ROBO2: variants seen among roughly 807,000 people sequenced by gnomAD.
ROBO2 encodes roundabout homolog 2.
ROBO2 carries 53 observed loss-of-function variants against 160.8 expected under a neutral mutation model. The observed-to-expected ratio is 0.33, with a 90% CI of 0.26 to 0.41. The LOEUF (loss-of-function observed/expected upper bound fraction) is 0.41, where lower values mean the gene tolerates loss of function less well. Among genes scored for constraint, ROBO2 ranks in the 10% least tolerant of loss-of-function variants. ROBO2 has a pLI of 1.00. For missense variants in ROBO2, 1,577 were observed against 1,722.4 expected, an observed-to-expected ratio of 0.92 and a Z score of 1.49; for synonymous variants, 664 against 611.7, an observed-to-expected ratio of 1.09 and a Z score of -1.26.
chr3:76,873,880 G>A (rs74635836), intron 2 of ROBO2, among the ~76,000 whole-genome samples: 1,705 of 152,212 alleles, frequency 0.011, 15 homozygotes, highest in African/African-American at 0.037. Context: ...TTGTGTATCT[G>A]AAGTTTACCA....
At chr3:76,024,619 A>G (rs2066678320) in intron 2 of ROBO2, among the ~76,000 whole-genome samples, 1 of 151,764 alleles carries the variant, frequency 6.6e-6, no homozygotes, top group East Asian at 1.9e-4. Flanking sequence ...AAACACAACA[A>G]ATAAAAATTA....
chr3:76,711,418 G>A (rs896316271), intron 2 of ROBO2, among the ~76,000 whole-genome samples: 2 of 152,134 alleles, frequency 1.3e-5, no homozygotes, highest in African/African-American at 4.8e-5. Flanking sequence ...GTGAGATTTG[G>A]GTGGGTGCAC....
intron 2 of ROBO2, among the ~76,000 whole-genome samples, chr3:77,327,655 T>C (rs1384651721): frequency 1.4e-4 from 22 of 152,140 alleles, no homozygotes; most frequent in Admixed American, 1.4e-3. Context: ...CAACTGAAGA[T>C]AGAAGTGGTA....
intron 2 of ROBO2, among the ~76,000 whole-genome samples, chr3:76,450,440 T>G (rs893330119): frequency 2.0e-5 from 3 of 152,170 alleles, no homozygotes; most frequent in African/African-American, 2.4e-5. Flanking sequence ...TAAAGTAAAA[T>G]ATTTTTAAAT....
At chr3:77,532,484 T>C (rs1014330576) in intron 6 of ROBO2, among the ~76,000 whole-genome samples, 4 of 152,074 alleles carry the variant, frequency 2.6e-5, no homozygotes, top group Admixed American at 2.6e-4. Flanking sequence ...TTCAATAACC[T>C]TTTCTTCTGT....
chr3:76,576,923 T>C (rs573571904), intron 2 of ROBO2, among the ~76,000 whole-genome samples: 1 of 152,018 alleles, frequency 6.6e-6, no homozygotes, highest in South Asian at 2.1e-4. Context: ...AGGGACACTA[T>C]ACCTTGTAAA....
At chr3:76,185,794 CCAT>C (rs1428231250) in intron 2 of ROBO2, among the ~76,000 whole-genome samples, 2 of 151,866 alleles carry the variant, frequency 1.3e-5, no homozygotes, top group Non-Finnish European at 2.9e-5. Flanking sequence ...CAATAAGATA[CCAT>C]CAGAACACCA....
intron 2 of ROBO2, among the ~76,000 whole-genome samples, chr3:77,306,660 C>T (rs938961118): frequency 6.6e-6 from 1 of 152,044 alleles, no homozygotes; most frequent in Non-Finnish European, 1.5e-5. Context: ...GAGACATATA[C>T]CACATAGCAT....
intron 2 of ROBO2, among the ~76,000 whole-genome samples, chr3:76,236,920 AT>A (rs1370045369): frequency 3.3e-5 from 5 of 151,870 alleles, no homozygotes; most frequent in South Asian, 4.1e-4. Flanking sequence ...ATAATGTTGC[AT>A]TTTTTTCCTT....
intron 2 of ROBO2, among the ~76,000 whole-genome samples, chr3:76,252,533 A>G (rs954046570): frequency 6.6e-6 from 1 of 151,906 alleles, no homozygotes; most frequent in Non-Finnish European, 1.5e-5. Context: ...AACAATTCCA[A>G]TATGGTATGT....
intron 17 of ROBO2, among the ~76,000 whole-genome samples, chr3:77,594,049 C>G (rs1196776175): frequency 6.6e-6 from 1 of 152,060 alleles, no homozygotes; most frequent in Non-Finnish European, 1.5e-5. Context: ...GTTTATTGCA[C>G]TTTTGCAAGC....
intron 2 of ROBO2, among the ~76,000 whole-genome samples, chr3:76,582,352 A>C (rs1263682779): frequency 1.3e-5 from 2 of 152,182 alleles, no homozygotes; most frequent in Non-Finnish European, 2.9e-5. Context: ...ATGTATATTC[A>C]GGAATAGAAA....
At chr3:77,354,925 A>G (rs2068848695) in intron 2 of ROBO2, among the ~76,000 whole-genome samples, 1 of 152,224 alleles carries the variant, frequency 6.6e-6, no homozygotes, top group Admixed American at 6.5e-5. Context: ...ACACGCTAGA[A>G]ATACCGAAGG....
At chr3:77,100,370 T>C (rs1465113336) in intron 2 of ROBO2, among the ~76,000 whole-genome samples, 1 of 152,212 alleles carries the variant, frequency 6.6e-6, no homozygotes, top group Non-Finnish European at 1.5e-5. Context: ...TTCATTTATA[T>C]GTTGCTCATC....
chr3:76,796,893 A>G (rs1576670119), intron 2 of ROBO2, among the ~76,000 whole-genome samples: 1 of 152,140 alleles, frequency 6.6e-6, no homozygotes, highest in Non-Finnish European at 1.5e-5. Context: ...CAGGAAGAGG[A>G]TATAACAAGT....
intron 6 of ROBO2, among the ~76,000 whole-genome samples, chr3:77,543,219 GC>G (rs2092555602): frequency 6.6e-6 from 1 of 151,620 alleles, no homozygotes; most frequent in African/African-American, 2.4e-5. Context: ...AGTGCCATCT[GC>G]ATTTTTTCTG....
intron 6 of ROBO2, among the ~76,000 whole-genome samples, chr3:77,544,039 T>A (rs185673710): frequency 1.3e-5 from 2 of 152,082 alleles, no homozygotes; most frequent in East Asian, 3.9e-4. Context: ...AACTATATAC[T>A]CATTCTTAAC....
At chr3:77,362,264 GA>G (rs1307944816) in intron 2 of ROBO2, among the ~76,000 whole-genome samples, 1 of 152,122 alleles carries the variant, frequency 6.6e-6, no homozygotes, top group African/African-American at 2.4e-5. Context: ...ATGGGGGAGA[GA>G]AATTGAACGA....
chr3:77,623,905 G>GATAA (rs1402343326), intron 23 of ROBO2, among the ~76,000 whole-genome samples: 1 of 152,170 alleles, frequency 6.6e-6, no homozygotes, highest in African/African-American at 2.4e-5. Flanking sequence ...TGTCAAAGAT[G>GATAA]ATAAATACGT....
Sources: allele counts gnomAD v4.1 joint callset (sites outside exome capture counted in the v4.1 genomes callset), GRCh38; gene constraint gnomAD v4.1.1; transcripts MANE v1.5; gene names NCBI Gene and HGNC (gene_info 2026-07-23, HGNC 2026-07-21).